Variants in EML6 observed in about 807,000 individuals in gnomAD.
The protein encoded by EML6 is EMAP like 6.
EML6 carries 154 observed loss-of-function variants against 240.1 expected under a neutral mutation model. The observed-to-expected ratio is 0.64, with a 90% CI of 0.56 to 0.73. The LOEUF is 0.73. Ranked by LOEUF, EML6 falls within the 30% of genes least tolerant of loss-of-function variation. The pLI is 0.00. For missense variants in EML6, 2,964 were observed against 2,474.6 expected (o/e 1.20, Z -4.20); for synonymous variants, 1,148 against 899.0 (o/e 1.28, Z -4.95).
At chr2:54,857,344 C>T (rs1396231234) in intron 11 of EML6, among the ~76,000 whole-genome samples, 1 of 152,076 alleles carries the variant, frequency 6.6e-6, no homozygotes, top group Non-Finnish European at 1.5e-5. Context: ...CCTGAGCCCT[C>T]CTGTGGTGCA....
Position 54,862,009 on chromosome 2 carries a change from T to G in EML6, c.1826-1774T>G, listed in dbSNP as rs575413172. On this transcript the variant is annotated intron_variant, in intron 12 of 41. Coordinates refer to ENST00000356458, the MANE Select transcript of EML6 (RefSeq NM_001039753.4). Reference sequence around the variant, plus strand: ...AGAGATAGAAGGTGTTTTTTAAAACTACTCAATGAGTTTTGGTACTTTTGA... The same window carrying G: ...AGAGATAGAAGGTGTTTTTTAAAACGACTCAATGAGTTTTGGTACTTTTGA... Among the ~76,000 whole-genome samples the G allele has an allele frequency of 6.6e-5, 10 of 152,224 alleles. No individual in the cohort carries two copies. In the South Asian group the frequency reaches 2.1e-3, roughly 32 times the overall value.
intron 12 of EML6, 51 bp from the exon 13 acceptor site, chr2:54,863,732 G>A (rs1238454537): frequency 1.1e-6 from 1 of 879,212 alleles, no homozygotes; most frequent in East Asian, 2.7e-5. Context: ...AATTTCAGTT[G>A]CTCAGAGTCT....
rs770524491 is a variant in EML6, at chr2:54,968,691, T to A, written c.5775T>A (p.Gly1925=). ...AGGCCAAACATAAGCGATACTTCGGTCACTCGGCTCACGTGACGAACATCC... is the reference window on the plus strand; with the variant it reads ...AGGCCAAACATAAGCGATACTTCGGACACTCGGCTCACGTGACGAACATCC... ...EKFAKHKRYF[G]HSAHVTNIRF... is the part of the protein sequence containing the mutation. The change falls in exon 41 of 42, where the codon GGT becomes GGA. Residue 1925 remains glycine, a synonymous_variant. Transcript: ENST00000356458. 5 of 1,551,012 alleles carry A rather than the reference T, an allele frequency of 3.2e-6. No individual in the cohort carries two copies. In the African/African-American group the frequency reaches 4.1e-5, roughly 13 times the overall value.
intron 2 of EML6, among the ~76,000 whole-genome samples, chr2:54,808,574 G>A (rs79719013): frequency 0.012 from 1,755 of 151,934 alleles, 35 homozygotes; most frequent in African/African-American, 0.038. Context: ...ATTACTGAGA[G>A]AATCACTGAA....
chr2:54,846,923 A>ATTTTTTTTTTTTTTTTTTTTTTTT (rs34352060), intron 8 of EML6, among the ~76,000 whole-genome samples: 1 of 129,948 alleles, frequency 7.7e-6, no homozygotes, highest in Non-Finnish European at 1.6e-5. Flanking sequence ...ATGAAGTAGT[A>ATTTTTTTTTTTTTTTTTTTTTTTT]TTTTTTTTTT....
chr2:54,869,023 G>A (rs183597652), intron 14 of EML6, 158 bp from the exon 15 acceptor site: 6 of 520,496 alleles, frequency 1.2e-5, no homozygotes, highest in Admixed American at 3.2e-5. Flanking sequence ...GCCCTCAGAC[G>A]GCCACATATC....
intron 29 of EML6, among the ~76,000 whole-genome samples, chr2:54,949,604 T>A (rs905222275): frequency 6.6e-6 from 1 of 152,172 alleles, no homozygotes; most frequent in Non-Finnish European, 1.5e-5. Context: ...ACCCTCTCTC[T>A]CTGACACATG....
At chr2:54,888,625 C>A (rs183363659) in intron 17 of EML6, among the ~76,000 whole-genome samples, 54 of 152,240 alleles carry the variant, frequency 3.5e-4, no homozygotes, top group Admixed American at 1.6e-3. Flanking sequence ...AGTATGTAGT[C>A]TTTTCTGATT....
At chr2:54,941,632 T>A (rs1423217222) in intron 28 of EML6, among the ~76,000 whole-genome samples, 3 of 152,248 alleles carry the variant, frequency 2.0e-5, no homozygotes, top group Non-Finnish European at 4.4e-5. Flanking sequence ...AACTTCTAGT[T>A]CTACATTTCC....
rs1682886881 is a variant in EML6, at chr2:54,725,886, C to T, written c.197+628C>T. 6.6e-6 allele frequency among the ~76,000 whole-genome samples: 1 copy of T among 152,202 alleles called. No homozygotes were observed. The highest frequency in any genetic ancestry group is 1.5e-5 in the Non-Finnish European group (1 of 68,036). ...TATTAAAGGCTGGCAGCTGCTGGAT[C>T]ACAAAATCCTACCAGCCAGCCCACA... On this transcript the variant is annotated intron_variant, in intron 2 of 41. Coordinates refer to ENST00000356458, the MANE Select transcript of EML6 (RefSeq NM_001039753.4). The surrounding 1 kb of genome is among the most constrained non-coding windows in gnomAD (Gnocchi z 4.3).
intron 2 of EML6, among the ~76,000 whole-genome samples, chr2:54,740,311 T>C (rs1683573972): frequency 6.6e-6 from 1 of 152,004 alleles, no homozygotes; most frequent in South Asian, 2.1e-4. Context: ...TTATGAAAGA[T>C]GGGAATGGTC....
At chr2:54,884,942 G>A (rs980735110) in intron 17 of EML6, among the ~76,000 whole-genome samples, 1 of 152,214 alleles carries the variant, frequency 6.6e-6, no homozygotes, top group African/African-American at 2.4e-5. Flanking sequence ...GGGAGGCTGA[G>A]GCAGGTGGAT....
chr2:54,922,484 T>A (rs1674310341), intron 26 of EML6, among the ~76,000 whole-genome samples: 1 of 152,254 alleles, frequency 6.6e-6, no homozygotes, highest in Admixed American at 6.5e-5. Flanking sequence ...GAAAACGATA[T>A]GGAGGTTCCT....
At chr2:54,830,353 A>G (rs73935668) in intron 7 of EML6, among the ~76,000 whole-genome samples, 3,179 of 152,286 alleles carry the variant, frequency 0.021, 119 homozygotes, top group African/African-American at 0.072. Flanking sequence ...GGAGGGGTAC[A>G]TGGTACTGTG....
chr2:54,791,089 T>G (rs1669424254), intron 2 of EML6, among the ~76,000 whole-genome samples: 1 of 152,208 alleles, frequency 6.6e-6, no homozygotes, highest in African/African-American at 2.4e-5. Flanking sequence ...TTATCACCAT[T>G]CAGCATTTCT....
intron 7 of EML6, among the ~76,000 whole-genome samples, chr2:54,841,893 A>AT (rs112826546): frequency 0.034 from 5,111 of 148,772 alleles, 117 homozygotes; most frequent in Admixed American, 0.076. Flanking sequence ...GTGCCTTGCC[A>AT]TTTTTTTTTT....
chr2:54,827,509 A>G, intron 5 of EML6, 57 bp from the exon 6 acceptor site: 1 of 1,368,152 alleles, frequency 7.3e-7, no homozygotes, highest in Non-Finnish European at 1.0e-6. Context: ...AATAAACACC[A>G]ATGCAATACA....
At chr2:54,827,132 C>T (rs955359306) in intron 5 of EML6, among the ~76,000 whole-genome samples, 1 of 152,186 alleles carries the variant, frequency 6.6e-6, no homozygotes, top group Non-Finnish European at 1.5e-5. Flanking sequence ...GAGATGGCGC[C>T]ATTGCATTCC....
intron 28 of EML6, among the ~76,000 whole-genome samples, chr2:54,933,319 T>G (rs549428424): frequency 6.6e-6 from 1 of 152,306 alleles, no homozygotes; most frequent in East Asian, 1.9e-4. Flanking sequence ...ATGTAATCAC[T>G]TCACCTCTCT....
Sources: gnomAD v4.1 joint callset for allele counts (sites outside exome capture counted in the v4.1 genomes callset) on GRCh38, gnomAD v4.1.1 for gene constraint, Gnocchi (gnomAD v3.1) non-coding constraint, MANE v1.5 for transcripts, NCBI Gene and HGNC (gene_info 2026-07-23, HGNC 2026-07-21) for gene names.